The following METTL4 variants were observed in gnomAD, a reference collection of about 807,000 sequenced individuals.
The protein encoded by METTL4 is N(6)-adenine-specific methyltransferase METTL4.
METTL4 carries 40 observed loss-of-function variants against 54.0 expected under a neutral mutation model. The ratio of observed to expected loss-of-function variants is 0.74; its 90% CI spans 0.58 to 0.96. The LOEUF is 0.96. Ranked by LOEUF, METTL4 falls within the 50% of genes least tolerant of loss-of-function variation. The pLI, the probability that METTL4 is intolerant of heterozygous loss-of-function variation, is 0.00. For synonymous variants in METTL4, 169 were observed against 183.8 expected (o/e 0.92, Z 0.65); for missense variants, 525 against 549.0 (o/e 0.96, Z 0.44).
At chr18:2,541,543 T>C (rs114050446) in intron 8 of METTL4, among the ~76,000 whole-genome samples, 1,589 of 152,338 alleles carry the variant, frequency 0.01, 35 homozygotes, top group African/African-American at 0.036. Flanking sequence ...AAATTTTGAT[T>C]TAAATACTTT....
At chr18:2,570,340 G>A (rs893218641) in intron 1 of METTL4, among the ~76,000 whole-genome samples, 1 of 152,224 alleles carries the variant, frequency 6.6e-6, no homozygotes, top group Non-Finnish European at 1.5e-5. Context: ...CAAATTGCTA[G>A]CAGGACCACT....
intron 3 of METTL4, among the ~76,000 whole-genome samples, chr18:2,557,153 A>ACAGTT: frequency 6.6e-6 from 1 of 152,122 alleles, no homozygotes; most frequent in African/African-American, 2.4e-5. Flanking sequence ...AGTACAGTTA[A>ACAGTT]CAGTTCACAG....
intron 8 of METTL4, among the ~76,000 whole-genome samples, chr18:2,542,175 G>A (rs2072001284): frequency 6.6e-6 from 1 of 151,652 alleles, no homozygotes; most frequent in Non-Finnish European, 1.5e-5. Flanking sequence ...AAAGATATAA[G>A]CTGTAATGCT....
chr18:2,550,344 C>A (rs189343913), intron 5 of METTL4, among the ~76,000 whole-genome samples: 1 of 151,894 alleles, frequency 6.6e-6, no homozygotes, highest in African/African-American at 2.4e-5. Flanking sequence ...GGAAAGTATG[C>A]AAAAAAACAG....
chr18:2,551,700 TA>T (rs1316422817), intron 5 of METTL4, among the ~76,000 whole-genome samples: 1 of 135,846 alleles, frequency 7.4e-6, no homozygotes, highest in Non-Finnish European at 1.6e-5. Context: ...TATCTCAAAA[TA>T]AAAAAAAAGA....
At chr18:2,550,993 T>C (rs1306477660) in intron 5 of METTL4, among the ~76,000 whole-genome samples, 2 of 151,144 alleles carry the variant, frequency 1.3e-5, no homozygotes, top group African/African-American at 2.4e-5. Flanking sequence ...TGAAACCCCG[T>C]CTCTACTAAA....
At chr18:2,568,284 T>C (rs1172824196) in intron 1 of METTL4, 1 of 152,174 alleles carries the variant, frequency 6.6e-6, no homozygotes, top group Non-Finnish European at 1.5e-5. Context: ...ATCATTCATG[T>C]CTGTACAATG....
intron 8 of METTL4, among the ~76,000 whole-genome samples, chr18:2,541,301 A>T (rs1027113888): frequency 1.3e-5 from 2 of 152,232 alleles, no homozygotes; most frequent in African/African-American, 4.8e-5. Flanking sequence ...CAACAATTAC[A>T]TAACATCTGG....
chr18:2,542,917 C>A (rs1969312), intron 8 of METTL4, among the ~76,000 whole-genome samples: 50,956 of 151,664 alleles, frequency 0.34, 9,901 homozygotes, highest in East Asian at 0.63. Context: ...CACTTGAGGT[C>A]AGGAGTTTGA....
chr18:2,566,880 C>T lies in METTL4; in HGVS notation c.337G>A (p.Glu113Lys). The change falls in exon 2 of 9, where the codon GAA (glutamate) becomes AAA (lysine). Residue 113 changes from glutamate to lysine, a missense_variant. Coordinates refer to ENST00000574538, the MANE Select transcript of METTL4 (RefSeq NM_022840.5). ...AVHKECQQSNEKEDLMNGVKK... is the reference protein window; with the variant it reads ...AVHKECQQSNKKEDLMNGVKK... ...ACACCATTCATCAGATCTTCCTTTTCATTACTTTGCTGGCATTCTTTATGA... is the reference window on the plus strand; with the variant it reads ...ACACCATTCATCAGATCTTCCTTTTTATTACTTTGCTGGCATTCTTTATGA... 1 of 1,610,270 alleles carries T rather than the reference C, an allele frequency of 6.2e-7. No individual in the cohort carries two copies.
chr18:2,567,083 A>G lies in METTL4; in HGVS notation c.134T>C (p.Phe45Ser). Residue 45 changes from phenylalanine to serine, a missense_variant, in exon 2 of 9, where the codon TTT (phenylalanine) becomes TCT (serine). Phe to Ser is a radical substitution (Grantham distance 155). Coordinates refer to ENST00000574538, the MANE Select transcript of METTL4 (RefSeq NM_022840.5). ...CACAGAATCCATTTGAAGAGACTCA[A>G]AGTGAACAGAAGTAGTGAACTCCTT... ...RKKEFTTSVH[F>S]ESLQMDSVSS... 2 of 1,614,212 alleles carry G rather than the reference A, an allele frequency of 1.2e-6. No individual in the cohort carries two copies. The highest frequency in any genetic ancestry group is 1.7e-6 in the Non-Finnish European group (2 of 1,180,032).
At chr18:2,558,673 A>T (rs930689520) in intron 3 of METTL4, among the ~76,000 whole-genome samples, 1 of 152,128 alleles carries the variant, frequency 6.6e-6, no homozygotes, top group Non-Finnish European at 1.5e-5. Context: ...CAGAGACAGT[A>T]AGGAAAATTA....
At chr18:2,547,758 T>C (rs1226623568) in intron 5 of METTL4, among the ~76,000 whole-genome samples, 1 of 150,904 alleles carries the variant, frequency 6.6e-6, no homozygotes, top group African/African-American at 2.4e-5. Context: ...TATTTTTTTT[T>C]AGTCACTTCT....
At chr18:2,547,641 T>G in intron 5 of METTL4, 112 bp from the exon 6 acceptor site, 1 of 725,166 alleles carries the variant, frequency 1.4e-6, no homozygotes, top group Admixed American at 3.6e-5. Context: ...CTTACTGCTA[T>G]TTATTTGTGT....
chr18:2,565,522 A>G (rs1960976997), intron 2 of METTL4, among the ~76,000 whole-genome samples: 1 of 152,208 alleles, frequency 6.6e-6, no homozygotes, highest in South Asian at 2.1e-4. Flanking sequence ...TAAAATTAAA[A>G]AAAAGAAGAA....
At chr18:2,559,450 GA>G (rs71176290) in intron 3 of METTL4, among the ~76,000 whole-genome samples, 29,793 of 150,842 alleles carry the variant, frequency 0.2, 2,845 homozygotes, top group South Asian at 0.28. Context: ...GGGGAAGGGG[GA>G]GTGGGGAGTT....
At chr18:2,552,819 A>G (rs2072183283) in intron 4 of METTL4, 55 bp from the exon 5 acceptor site, 38 of 1,173,480 alleles carry the variant, frequency 3.2e-5, no homozygotes, top group Non-Finnish European at 4.6e-5. Context: ...TCACTTTAAA[A>G]ACTAAACATG....
intron 4 of METTL4, chr18:2,553,074 T>A: frequency 4.8e-6 from 1 of 209,354 alleles, no homozygotes. Context: ...GGCAGCCATA[T>A]TAATATAGTT....
At chr18:2,540,790 T>C (rs2071983337) in intron 8 of METTL4, 3 of 985,296 alleles carry the variant, frequency 3.0e-6, no homozygotes, top group Non-Finnish European at 3.6e-6. Flanking sequence ...TGGTCTCAGG[T>C]TACGCTGAAG....
Sources: allele counts gnomAD v4.1 joint callset (sites outside exome capture counted in the v4.1 genomes callset), GRCh38; gene constraint gnomAD v4.1.1; transcripts MANE v1.5; gene names NCBI Gene and HGNC (gene_info 2026-07-23, HGNC 2026-07-21).